Variants in PAX7 observed in about 807,000 individuals in gnomAD.
PAX7 encodes the protein paired box 7.
Under a neutral mutation model 50.7 loss-of-function variants are expected in PAX7, and 18 were observed. The observed-to-expected ratio is 0.36, with a 90% CI of 0.25 to 0.53. PAX7 has a LOEUF of 0.53. PAX7 is among the 20% of genes least tolerant of loss of function. The pLI is 0.93. For missense variants in PAX7, 644 were observed against 702.9 expected, an observed-to-expected ratio of 0.92 and a Z score of 0.95; for synonymous variants, 310 against 290.4, an observed-to-expected ratio of 1.07 and a Z score of -0.69.
At position 18,735,968 on chromosome 1, in the gene PAX7, G is replaced by A. The variant is rs1049955788; in HGVS notation, c.1402+90G>A. ...CTTGTTTATGGAGAGCTACAAGGTG[G>A]TGTCAGGGTGGGGAATGTCCATTTC... On this transcript the variant is annotated intron_variant, in intron 8 of 8. Coordinates refer to ENST00000420770, the MANE Select transcript of PAX7 (RefSeq NM_001135254.2). This position sits in a 1 kb window ranked among gnomAD's most constrained non-coding sequence, Gnocchi z 4.0. 1 of 1,613,836 alleles carries A rather than the reference G, an allele frequency of 6.2e-7. No homozygotes were observed. Among genetic ancestry groups the A allele is most frequent in the African/African-American group, 1.3e-5 (1 of 75,034 alleles).
intron 7 of PAX7, among the ~76,000 whole-genome samples, chr1:18,716,137 T>C (rs183738857): frequency 6.6e-6 from 1 of 152,262 alleles, no homozygotes; most frequent in East Asian, 1.9e-4. Context: ...ACGGGTGTCC[T>C]TGGCCACCAG....
At chr1:18,731,208 CG>C (rs2089642818) in intron 7 of PAX7, among the ~76,000 whole-genome samples, 1 of 152,206 alleles carries the variant, frequency 6.6e-6, no homozygotes, top group Admixed American at 6.5e-5. Context: ...TTGCAGGCTC[CG>C]GACCTCAGCT....
At chr1:18,648,651 A>G (rs1160069086) in intron 4 of PAX7, among the ~76,000 whole-genome samples, 1 of 152,002 alleles carries the variant, frequency 6.6e-6, no homozygotes, top group African/African-American at 2.4e-5. Context: ...CCATTCCACT[A>G]CTATTTATCA....
intron 4 of PAX7, among the ~76,000 whole-genome samples, chr1:18,673,424 T>C (rs1339481417): frequency 2.0e-5 from 3 of 152,196 alleles, no homozygotes; most frequent in African/African-American, 7.2e-5. Flanking sequence ...TCTAGAAGCA[T>C]GACTTCGTGC....
At chr1:18,633,394 A>G (rs897593885) in intron 1 of PAX7, among the ~76,000 whole-genome samples, 17 of 152,166 alleles carry the variant, frequency 1.1e-4, no homozygotes, top group African/African-American at 4.1e-4. Flanking sequence ...TAAGGCAACC[A>G]GGCGTTCTCC....
At chr1:18,672,544 C>G (rs1570151502) in intron 4 of PAX7, among the ~76,000 whole-genome samples, 1 of 151,446 alleles carries the variant, frequency 6.6e-6, no homozygotes, top group African/African-American at 2.4e-5. Context: ...ATCCCTGTCT[C>G]AGATGCAGTG....
chr1:18,700,926 T>C lies in PAX7; in HGVS notation c.952+108T>C. The C allele has an allele frequency of 4.5e-6, 5 of 1,101,700 alleles. No individual in the cohort carries two copies. The highest frequency in any genetic ancestry group is 4.9e-6 in the Non-Finnish European group (4 of 816,888). The allele number at this position is 1,101,700 out of a possible 1,614,324, so 68.2% of individuals were successfully genotyped here. A position where few individuals can be genotyped will look rare whatever the true frequency, so the allele number is the denominator to read the frequency against. On this transcript the variant is annotated intron_variant, in intron 6 of 8. Transcript: ENST00000420770. The surrounding 1 kb of genome is among the most constrained non-coding windows in gnomAD (Gnocchi z 4.8). ...TTTTTATGACCATTTCTTACTTTCA[T>C]GTAAGCAGGCTATTGAGAGCAAAAA...
intron 5 of PAX7, among the ~76,000 whole-genome samples, chr1:18,698,258 G>C (rs551661277): frequency 1.4e-5 from 2 of 141,958 alleles, no homozygotes; most frequent in Admixed American, 7.2e-5. Context: ...ATAAAGGGAA[G>C]GCAATTGTTA....
intron 7 of PAX7, among the ~76,000 whole-genome samples, chr1:18,711,605 T>C (rs1460449435): frequency 6.6e-6 from 1 of 152,092 alleles, no homozygotes; most frequent in Non-Finnish European, 1.5e-5. Context: ...GGAAAGGCTG[T>C]CTCCTGCTCC....
In PAX7 at chr1:18,636,784, G is replaced by A. The variant is rs2088165731; in HGVS notation, c.586+413G>A. Among the ~76,000 whole-genome samples, 1 of 152,130 alleles carries A rather than the reference G, an allele frequency of 6.6e-6. No individual in the cohort carries two copies. The highest frequency in any genetic ancestry group is 6.5e-5 in the Admixed American group (1 of 15,286). On this transcript the variant is annotated intron_variant, in intron 4 of 8. Coordinates refer to ENST00000420770, the MANE Select transcript of PAX7 (RefSeq NM_001135254.2). The surrounding 1 kb of genome is among the most constrained non-coding windows in gnomAD (Gnocchi z 5.1). ...CGGGGGACGGGAGGGAGGGAGAGAG[G>A]AAGGAGGAGCCGGCCCGCGGCTCCC...
intron 7 of PAX7, among the ~76,000 whole-genome samples, chr1:18,723,463 G>A (rs2100374978): frequency 6.6e-6 from 1 of 152,346 alleles, no homozygotes; most frequent in South Asian, 2.1e-4. Flanking sequence ...AATCGAAGAT[G>A]ATTGGGATGT....
intron 7 of PAX7, among the ~76,000 whole-genome samples, chr1:18,730,060 T>C (rs989610558): frequency 6.6e-6 from 1 of 151,486 alleles, no homozygotes; most frequent in South Asian, 2.1e-4. Context: ...GCAGAAGAGG[T>C]GTCGGGGAGG....
intron 7 of PAX7, among the ~76,000 whole-genome samples, chr1:18,714,054 T>C (rs543693348): frequency 6.6e-6 from 1 of 152,016 alleles, no homozygotes; most frequent in African/African-American, 2.4e-5. Flanking sequence ...CTACTAAAAA[T>C]ACAAAAATTA....
At chr1:18,729,521 G>A (rs945055514) in intron 7 of PAX7, among the ~76,000 whole-genome samples, 2 of 152,232 alleles carry the variant, frequency 1.3e-5, no homozygotes, top group Non-Finnish European at 2.9e-5. Context: ...GAAAGTGGGA[G>A]TGCAAATGGG....
intron 7 of PAX7, among the ~76,000 whole-genome samples, chr1:18,724,745 C>T (rs1174599827): frequency 6.6e-6 from 1 of 152,214 alleles, no homozygotes; most frequent in South Asian, 2.1e-4. Context: ...TCTAGAGCCT[C>T]CGTTTCCTGA....
intron 4 of PAX7, among the ~76,000 whole-genome samples, chr1:18,689,572 C>G (rs952543961): frequency 2.6e-5 from 4 of 152,116 alleles, no homozygotes; most frequent in African/African-American, 7.2e-5. Flanking sequence ...CAGAGACCAC[C>G]TGGCACTGGC....
intron 4 of PAX7, among the ~76,000 whole-genome samples, chr1:18,668,841 C>T (rs927664448): frequency 6.6e-6 from 1 of 152,208 alleles, no homozygotes; most frequent in Non-Finnish European, 1.5e-5. Flanking sequence ...ACCACATTTC[C>T]CAAGAGGAGG....
At chr1:18,707,727 G>A (rs12072813) in intron 7 of PAX7, among the ~76,000 whole-genome samples, 1 of 152,018 alleles carries the variant, frequency 6.6e-6, no homozygotes, top group African/African-American at 2.4e-5. Flanking sequence ...GCCTGGCCTA[G>A]AGCCTGAATC....
Position 18,631,649 on chromosome 1 carries a change from C to G in PAX7, c.46C>G (p.Pro16Ala), listed in dbSNP as rs746324287. Residue 16 changes from proline to alanine, a missense_variant, in exon 1 of 9, where the codon CCG (proline) becomes GCG (alanine). Physicochemically the swap from Pro to Ala is conservative, Grantham distance 27. Coordinates refer to ENST00000420770, the MANE Select transcript of PAX7 (RefSeq NM_001135254.2). ...GGTACCGAGAATGATGCGGCCGGCTCCGGGGCAGAACTACCCCCGCACGGG... is the reference window on the plus strand; with the variant it reads ...GGTACCGAGAATGATGCGGCCGGCTGCGGGGCAGAACTACCCCCGCACGGG... ...GTVPRMMRPA[P>A]GQNYPRTGFP... The G allele has an allele frequency of 6.8e-6, 11 of 1,613,226 alleles. No homozygotes were observed. The highest frequency in any genetic ancestry group is 9.3e-6 in the Non-Finnish European group (11 of 1,179,902).
Sources: gnomAD v4.1 joint callset for allele counts (sites outside exome capture counted in the v4.1 genomes callset) on GRCh38, gnomAD v4.1.1 for gene constraint, Gnocchi (gnomAD v3.1) non-coding constraint, MANE v1.5 for transcripts, NCBI Gene and HGNC (gene_info 2026-07-23, HGNC 2026-07-21) for gene names.